The following CAST variants were observed in gnomAD, a reference collection of about 807,000 sequenced individuals.
CAST encodes calpastatin, also known as MIR583 host.
CAST carries 76 observed loss-of-function variants against 119.6 expected under a neutral mutation model. That is an observed-to-expected ratio of 0.64 (90% CI 0.53 to 0.77). The LOEUF is 0.77. CAST is among the 30% of genes least tolerant of loss of function. CAST has a pLI of 0.00. For missense variants in CAST, 953 were observed against 946.5 expected (o/e 1.01, Z -0.09); for synonymous variants, 319 against 331.6 (o/e 0.96, Z 0.41).
the CAST span, among the ~76,000 whole-genome samples, chr5:96,489,417 T>G: frequency 1.3e-5 from 1 of 74,296 alleles, no homozygotes; most frequent in Non-Finnish European, 4.2e-5. Flanking sequence ...TCATTGATTA[T>G]GAAGGGAATA....
chr5:96,636,054 A>G (rs965082681), intron 1 of CAST, among the ~76,000 whole-genome samples: 1 of 152,208 alleles, frequency 6.6e-6, no homozygotes, highest in Non-Finnish European at 1.5e-5. Flanking sequence ...CTGTGACTCT[A>G]CTTCCTCATC....
chr5:96,333,855 CATTT>C, the CAST span, among the ~76,000 whole-genome samples: 1 of 152,172 alleles, frequency 6.6e-6, no homozygotes, highest in African/African-American at 2.4e-5. Context: ...CTCTGAGCTT[CATTT>C]ATTCTGATTT....
the CAST span, among the ~76,000 whole-genome samples, chr5:96,203,828 C>A: frequency 1.6e-4 from 24 of 151,866 alleles, no homozygotes; most frequent in Non-Finnish European, 2.4e-4. Flanking sequence ...GGGAGAAGTA[C>A]CTACGTTCCC....
the CAST span, among the ~76,000 whole-genome samples, chr5:96,439,776 C>T: frequency 6.6e-6 from 1 of 152,142 alleles, no homozygotes; most frequent in South Asian, 2.1e-4. Flanking sequence ...TTTCTCACCT[C>T]CCTCCAGTGA....
chr5:96,152,556 T>G, the CAST span, among the ~76,000 whole-genome samples: 1 of 152,160 alleles, frequency 6.6e-6, no homozygotes. Context: ...CTGGTATCAT[T>G]GACACATCTC....
the CAST span, among the ~76,000 whole-genome samples, chr5:96,495,474 T>G: frequency 6.6e-6 from 1 of 152,326 alleles, no homozygotes; most frequent in Non-Finnish European, 1.5e-5. Context: ...TGTGTCCATG[T>G]GTTCTCATTG....
chr5:96,645,808 A>T (rs13171793), intron 1 of CAST, among the ~76,000 whole-genome samples: 1 of 151,740 alleles, frequency 6.6e-6, no homozygotes, highest in South Asian at 2.1e-4. Flanking sequence ...AAAGGTCTAG[A>T]CACAAAACAT....
chr5:96,338,534 G>A, the CAST span, among the ~76,000 whole-genome samples: 1 of 152,188 alleles, frequency 6.6e-6, no homozygotes, highest in South Asian at 2.1e-4. Flanking sequence ...TCTGGAGTGG[G>A]AAAAGTTGAT....
At chr5:96,368,186 T>G in the CAST span, among the ~76,000 whole-genome samples, 1 of 151,984 alleles carries the variant, frequency 6.6e-6, no homozygotes, top group African/African-American at 2.4e-5. Context: ...TAATTACCAA[T>G]TTTTAAAAAT....
the CAST span, among the ~76,000 whole-genome samples, chr5:96,509,784 G>C: frequency 6.6e-6 from 1 of 152,210 alleles, no homozygotes; most frequent in African/African-American, 2.4e-5. Context: ...TTTCATGTGA[G>C]AAATTTCTCT....
the CAST span, among the ~76,000 whole-genome samples, chr5:96,415,101 G>C: frequency 6.6e-6 from 1 of 152,154 alleles, no homozygotes; most frequent in African/African-American, 2.4e-5. Context: ...GAAAGCCTGA[G>C]GTTGGGATAG....
chr5:96,024,472 A>T, the CAST span, among the ~76,000 whole-genome samples: 1 of 152,308 alleles, frequency 6.6e-6, no homozygotes, highest in Admixed American at 6.5e-5. Context: ...CTTCCATAGG[A>T]TCCCTTCCTT....
chr5:96,500,053 G>A, the CAST span, among the ~76,000 whole-genome samples: 2 of 152,094 alleles, frequency 1.3e-5, no homozygotes, highest in Admixed American at 6.6e-5. Flanking sequence ...TATCAGATAA[G>A]TTCGCCGCCT....
intron 1 of CAST, among the ~76,000 whole-genome samples, chr5:96,575,282 T>A (rs970084116): frequency 6.6e-6 from 1 of 152,154 alleles, no homozygotes; most frequent in African/African-American, 2.4e-5. Flanking sequence ...TGAATTCACA[T>A]TAATTCTAGA....
the CAST span, among the ~76,000 whole-genome samples, chr5:95,987,296 C>G: frequency 1.4e-4 from 21 of 151,978 alleles, no homozygotes; most frequent in African/African-American, 4.8e-4. Flanking sequence ...TTTTTTTTCT[C>G]TCTCTCTCTT....
At chr5:96,270,849 C>T in the CAST span, among the ~76,000 whole-genome samples, 1 of 151,062 alleles carries the variant, frequency 6.6e-6, no homozygotes, top group African/African-American at 2.4e-5. Context: ...ATCCTGCACA[C>T]ATACCCCTGA....
chr5:96,440,990 C>T, the CAST span, among the ~76,000 whole-genome samples: 3 of 152,186 alleles, frequency 2.0e-5, no homozygotes, highest in Non-Finnish European at 4.4e-5. Context: ...AGCTCTGCCA[C>T]TTATTAGCTG....
At chr5:96,008,860 T>C in the CAST span, among the ~76,000 whole-genome samples, 1 of 152,236 alleles carries the variant, frequency 6.6e-6, no homozygotes, top group Non-Finnish European at 1.5e-5. Flanking sequence ...GGAGTACATA[T>C]GTAAGTTTGT....
chr5:96,433,124 C>T, the CAST span: 1 of 1,325,996 alleles, frequency 7.5e-7, no homozygotes, highest in South Asian at 1.2e-5. Flanking sequence ...CAGACTCCCC[C>T]TTCCCACCCT....
Sources: allele counts gnomAD v4.1 joint callset (sites outside exome capture counted in the v4.1 genomes callset), GRCh38; gene constraint gnomAD v4.1.1; transcripts MANE v1.5; gene names NCBI Gene and HGNC (gene_info 2026-07-23, HGNC 2026-07-21).